AP3B1: variants seen among roughly 807,000 people sequenced by gnomAD.
The protein encoded by AP3B1 is adaptor related protein complex 3 subunit beta 1, also known as AP-3 complex subunit beta-1.
In AP3B1, 61 loss-of-function variants were observed where a neutral mutation model predicts 132.5. The ratio of observed to expected loss-of-function variants is 0.46; its 90% confidence interval spans 0.37 to 0.57. AP3B1 has a LOEUF of 0.57. Ranked by LOEUF, AP3B1 falls within the 20% of genes least tolerant of loss-of-function variation. The pLI, the probability that AP3B1 is intolerant of heterozygous loss-of-function variation, is 0.00. For missense variants in AP3B1, 1,120 were observed against 1,289.4 expected, an observed-to-expected ratio of 0.87 and a Z score of 2.01; for synonymous variants, 388 against 438.3, an observed-to-expected ratio of 0.89 and a Z score of 1.43.
chr5:78,197,683 G>A (rs1745129951), intron 7 of AP3B1, among the ~76,000 whole-genome samples: 2 of 151,980 alleles, frequency 1.3e-5, no homozygotes. Context: ...CACAAACTAT[G>A]ATCTTTTGTC....
intron 15 of AP3B1, 112 bp downstream of exon 15, chr5:78,141,031 G>T: frequency 1.1e-6 from 1 of 931,750 alleles, no homozygotes; most frequent in Non-Finnish European, 1.8e-6. Context: ...AAACAAACAG[G>T]CACCTAGAAA....
intron 20 of AP3B1, among the ~76,000 whole-genome samples, chr5:78,106,550 T>A (rs1480261227): frequency 1.3e-5 from 2 of 152,140 alleles, no homozygotes; most frequent in East Asian, 3.9e-4. Context: ...TTTACTGAAC[T>A]CAAATGGCAG....
intron 2 of AP3B1, among the ~76,000 whole-genome samples, chr5:78,242,015 C>G (rs1747159332): frequency 6.6e-6 from 1 of 152,222 alleles, no homozygotes; most frequent in Admixed American, 6.5e-5. Flanking sequence ...TATCACCTCA[C>G]AGAGAACTTT....
chr5:78,105,434 C>T (rs147802200), intron 20 of AP3B1, among the ~76,000 whole-genome samples: 68 of 152,152 alleles, frequency 4.5e-4, no homozygotes, highest in Middle Eastern at 3.4e-3. Flanking sequence ...ATTTTAACTA[C>T]AAGCAGAATA....
chr5:78,189,427 T>C (rs1025875320), intron 7 of AP3B1, among the ~76,000 whole-genome samples: 1 of 152,156 alleles, frequency 6.6e-6, no homozygotes, highest in African/African-American at 2.4e-5. Flanking sequence ...ATTTCTTCAA[T>C]ATGTATTTAA....
chr5:78,090,564 C>T (rs1215978485), intron 21 of AP3B1, among the ~76,000 whole-genome samples: 1 of 152,212 alleles, frequency 6.6e-6, no homozygotes, highest in Non-Finnish European at 1.5e-5. Flanking sequence ...CTTATATGTG[C>T]CTTCTTTGTT....
chr5:78,090,067 C>G (rs570466405), intron 21 of AP3B1, among the ~76,000 whole-genome samples: 1 of 152,238 alleles, frequency 6.6e-6, no homozygotes, highest in African/African-American at 2.4e-5. Flanking sequence ...TCTAAAAATG[C>G]AAGTCTGGTC....
At chr5:78,101,149 G>C (rs1200831478) in intron 20 of AP3B1, 124 bp from the exon 21 acceptor site, 21 of 610,198 alleles carry the variant, frequency 3.4e-5, no homozygotes, top group Non-Finnish European at 5.9e-5. Context: ...TTAAACTTCT[G>C]TATGGTTATA....
chr5:78,077,587 A>G (rs1280231149), intron 22 of AP3B1, among the ~76,000 whole-genome samples: 1 of 152,176 alleles, frequency 6.6e-6, no homozygotes, highest in Non-Finnish European at 1.5e-5. Context: ...CTGGTTACAC[A>G]TGTTATACTT....
chr5:78,195,144 G>C (rs774247246), intron 7 of AP3B1, among the ~76,000 whole-genome samples: 1 of 151,776 alleles, frequency 6.6e-6, no homozygotes, highest in Non-Finnish European at 1.5e-5. Flanking sequence ...CAAAGATAAT[G>C]TTTTATAAAT....
In AP3B1 at chr5:78,002,443, G is replaced by A. The variant is rs753338653; in HGVS notation, c.*459C>T. On this transcript the variant is annotated 3_prime_UTR_variant, in exon 27 of 27. Coordinates refer to ENST00000255194, the MANE Select transcript of AP3B1 (RefSeq NM_003664.5). ...AAGAACAAAATCTTGCAGAGACTATGCTTTTGTATTTGGATTTAAAAAGTA... is the reference window on the plus strand; with the variant it reads ...AAGAACAAAATCTTGCAGAGACTATACTTTTGTATTTGGATTTAAAAAGTA... The A allele has an allele frequency of 6.1e-5, 25 of 412,456 alleles. No individual in the cohort carries two copies. The highest frequency in any genetic ancestry group is 1.0e-4 in the Non-Finnish European group (24 of 234,700). The allele number at this position is 412,456 out of a possible 1,614,324, so 25.5% of individuals were successfully genotyped here.
chr5:78,278,345 G>A lies in AP3B1; in HGVS notation c.129-10750C>T, dbSNP rs140988348. ...ATCAATCAAATGCCCCTCCAAAAGG[G>A]GACTAATTCTTTGGGAGGCCGAGGC... On this transcript the variant is annotated intron_variant, in intron 1 of 26. Transcript: ENST00000255194. 3.9e-3 allele frequency among the ~76,000 whole-genome samples: 594 copies of A among 151,852 alleles called. 51 individuals carry two copies. The highest frequency in any genetic ancestry group is 6.8e-3 in the Middle Eastern group (2 of 294).
At chr5:78,202,477 A>T (rs938569831) in intron 7 of AP3B1, among the ~76,000 whole-genome samples, 5 of 151,606 alleles carry the variant, frequency 3.3e-5, no homozygotes, top group African/African-American at 1.2e-4. Context: ...GTAAATAAAA[A>T]GTCTCTTCTC....
chr5:78,028,091 AC>A (rs1747411915), intron 24 of AP3B1, among the ~76,000 whole-genome samples: 1 of 151,960 alleles, frequency 6.6e-6, no homozygotes, highest in Non-Finnish European at 1.5e-5. Flanking sequence ...GCACCACTGC[AC>A]TCCAGCCTGG....
chr5:78,002,993 C>T lies in AP3B1; in HGVS notation c.3194G>A (p.Gly1065Asp), dbSNP rs761729448. Residue 1065 changes from glycine to aspartate, a missense_variant, in exon 27 of 27, where the codon GGC becomes GAC. Gly to Asp is a moderately conservative substitution (Grantham distance 94). This residue lies in a region of AP3B1 where 906 missense variants were observed against 997.1 expected (regional missense o/e 0.91). Coordinates refer to ENST00000255194, the MANE Select transcript of AP3B1 (RefSeq NM_003664.5). Reference sequence around the variant, plus strand: ...GTTTATGATAAGCTGGGCTGTAGAGCCTTCCTTCAGTTCCACTGTGACTAG... The same window carrying T: ...GTTTATGATAAGCTGGGCTGTAGAGTCTTCCTTCAGTTCCACTGTGACTAG... ...LMLVTVELKE[G>D]STAQLIINTE... 5.6e-6 allele frequency: 9 copies of T among 1,614,040 alleles called. No homozygotes were observed. In the Admixed American group the frequency reaches 1.3e-4, roughly 24 times the overall value.
intron 22 of AP3B1, among the ~76,000 whole-genome samples, chr5:78,052,015 G>A (rs12653329): frequency 0.027 from 4,036 of 151,234 alleles, 159 homozygotes; most frequent in East Asian, 0.14. Flanking sequence ...ACCTAGAATA[G>A]GATTTAAAAA....
intron 7 of AP3B1, among the ~76,000 whole-genome samples, chr5:78,215,363 T>C (rs1010096411): frequency 2.0e-5 from 3 of 151,978 alleles, no homozygotes; most frequent in African/African-American, 7.2e-5. Context: ...AATGTATACA[T>C]CCTAAGGATC....
At chr5:78,195,017 T>C (rs1176398575) in intron 7 of AP3B1, among the ~76,000 whole-genome samples, 1 of 151,320 alleles carries the variant, frequency 6.6e-6, no homozygotes, top group Non-Finnish European at 1.5e-5. Flanking sequence ...TACCATAGAA[T>C]ACTTTTTTTA....
chr5:78,150,662 C>T lies in AP3B1; in HGVS notation c.1473+5596G>A, dbSNP rs571200288. ...CCTATAATAATACTATATTGTAGGT[C>T]CTTTTACGATCATCATTTGACACAT... is the stretch of plus-strand genomic sequence containing the variant. On this transcript the variant is annotated intron_variant, in intron 14 of 26. Transcript: ENST00000255194. Among the ~76,000 whole-genome samples the T allele has an allele frequency of 2.6e-5, 4 of 152,226 alleles. No individual in the cohort carries two copies. The East Asian group carries it at 5.8e-4, about 22-fold the overall frequency.
Sources: allele counts gnomAD v4.1 joint callset (sites outside exome capture counted in the v4.1 genomes callset), GRCh38; gene constraint gnomAD v4.1.1; regional missense constraint gnomAD v4.1.1; transcripts MANE v1.5; gene names NCBI Gene and HGNC (gene_info 2026-07-23, HGNC 2026-07-21).